The following MED15 variants were observed in gnomAD, a reference collection of about 807,000 sequenced individuals.
MED15 encodes mediator of RNA polymerase II transcription subunit 15.
A neutral mutation model predicts 118.7 loss-of-function variants in MED15; 41 were observed. That is an observed-to-expected ratio of 0.35 (90% confidence interval 0.27 to 0.45). MED15 has a LOEUF of 0.45. MED15 is among the 20% of genes least tolerant of loss of function. MED15 has a pLI of 1.00. For synonymous variants in MED15, 436 were observed against 413.9 expected (o/e 1.05, Z -0.65); for missense variants, 740 against 1,025.5 (o/e 0.72, Z 3.80).
At chr22:20,532,915 T>G (rs1172233433) in intron 1 of MED15, among the ~76,000 whole-genome samples, 1 of 152,194 alleles carries the variant, frequency 6.6e-6, no homozygotes, top group Non-Finnish European at 1.5e-5. Flanking sequence ...GGTTCTCTGT[T>G]CTTTGTCTCA....
In MED15 at chr22:20,507,627, G is replaced by A. The variant is rs1359232380; in HGVS notation, c.-52G>A. On this transcript the variant is annotated 5_prime_UTR_variant, in exon 1 of 18. Coordinates refer to ENST00000263205, the MANE Select transcript of MED15 (RefSeq NM_001003891.3). ...TTGGGCCTGGCTCTGTGACTGAGGCGGCGGCGGTGGCGGCCAAGCGGGATA... is the reference window on the plus strand; with the variant it reads ...TTGGGCCTGGCTCTGTGACTGAGGCAGCGGCGGTGGCGGCCAAGCGGGATA... 7.5e-6 allele frequency: 12 copies of A among 1,609,852 alleles called. No individual in the cohort carries two copies. The highest frequency in any genetic ancestry group is 4.4e-5 in the South Asian group (4 of 90,986).
At chr22:20,511,725 C>T (rs1331426404) in intron 1 of MED15, among the ~76,000 whole-genome samples, 1 of 152,052 alleles carries the variant, frequency 6.6e-6, no homozygotes, top group Admixed American at 6.6e-5. Flanking sequence ...CTGCCTCCAC[C>T]TCATCTGGGC....
chr22:20,553,285 A>G, intron 4 of MED15, 111 bp downstream of exon 4: 1 of 1,143,448 alleles, frequency 8.7e-7, no homozygotes, highest in Non-Finnish European at 1.3e-6. Context: ...CTAGAGGAGA[A>G]TGCTTGCGGA....
At chr22:20,545,473 CAAAAAA>C (rs56307139) in intron 2 of MED15, among the ~76,000 whole-genome samples, 3 of 90,150 alleles carry the variant, frequency 3.3e-5, no homozygotes, top group Non-Finnish European at 4.5e-5. Context: ...GACTCCACCT[CAAAAAA>C]AAAAAAAAAA....
chr22:20,553,057 A>G lies in MED15; in HGVS notation c.209-88A>G, dbSNP rs879064288. 8 of 1,295,808 alleles carry G rather than the reference A, an allele frequency of 6.2e-6. No homozygotes were observed. In the South Asian group the frequency reaches 1.0e-4, roughly 17 times the overall value. 80.3% of individuals were successfully genotyped at this position (1,295,808 alleles called of 1,614,324 possible). A position where few individuals can be genotyped will look rare whatever the true frequency, so the allele number is the denominator to read the frequency against. ...CTCCGTGGGGATTAAGGCTTGGGCA[A>G]ATGCCTACAGAACTGACCTACCCAT... is the stretch of plus-strand genomic sequence containing the variant. On this transcript the variant is annotated intron_variant, in intron 3 of 17. Transcript: ENST00000263205.
chr22:20,573,454 CCT>C (rs370586042), intron 8 of MED15, among the ~76,000 whole-genome samples: 154 of 152,268 alleles, frequency 1.0e-3, no homozygotes, highest in African/African-American at 2.2e-3. Flanking sequence ...CCTGGAGGAC[CCT>C]CTCTCTTTTT....
chr22:20,513,251 TTG>T (rs1216668248), intron 1 of MED15, among the ~76,000 whole-genome samples: 2 of 150,634 alleles, frequency 1.3e-5, no homozygotes, highest in African/African-American at 4.9e-5. Flanking sequence ...CTTTCTCCAC[TTG>T]TTACACTTGT....
chr22:20,510,190 A>G (rs2054014251), intron 1 of MED15, among the ~76,000 whole-genome samples: 3 of 152,100 alleles, frequency 2.0e-5, no homozygotes, highest in Admixed American at 2.0e-4. Context: ...ACTGAGACCC[A>G]TCCTGGCCAA....
Position 20,567,672 on chromosome 22 carries a change from A to C in MED15, c.1042-849A>C, listed in dbSNP as rs576204136. On this transcript the variant is annotated intron_variant, in intron 7 of 17. Transcript: ENST00000263205. ...AATGTGCCCTGGCAGGGTTTGCCCT[A>C]GTGGCTTGGAGATGTCTAAGGAAGA... 4.6e-5 allele frequency among the ~76,000 whole-genome samples: 7 copies of C among 151,842 alleles called. No individual in the cohort carries two copies. In the East Asian group the frequency reaches 9.7e-4, roughly 21 times the overall value.
intron 5 of MED15, among the ~76,000 whole-genome samples, chr22:20,556,856 A>G (rs1430934012): frequency 6.6e-6 from 1 of 152,186 alleles, no homozygotes; most frequent in Non-Finnish European, 1.5e-5. Context: ...AAATGGAATC[A>G]TACCATATGT....
intron 9 of MED15, among the ~76,000 whole-genome samples, chr22:20,576,217 G>A (rs146116594): frequency 7.5e-4 from 114 of 152,326 alleles, no homozygotes; most frequent in African/African-American, 2.6e-3. Flanking sequence ...TGGGTTTGTC[G>A]TGAAAACATC....
Position 20,507,642 on chromosome 22 carries a change from CA to C in MED15, c.-35del. 1.2e-6 allele frequency: 2 copies of C among 1,613,406 alleles called. No individual in the cohort carries two copies. The highest frequency in any genetic ancestry group is 2.2e-5 in the East Asian group (1 of 44,884). ...TGACTGAGGCGGCGGCGGTGGCGGC[CA>C]AGCGGGATACGGGCGGCGGGAGCTG... is the stretch of plus-strand genomic sequence containing the variant. On this transcript the variant is annotated 5_prime_UTR_variant, in exon 1 of 18. Transcript: ENST00000263205.
At chr22:20,534,997 G>A (rs985208414) in intron 1 of MED15, among the ~76,000 whole-genome samples, 3 of 152,082 alleles carry the variant, frequency 2.0e-5, no homozygotes, top group Non-Finnish European at 2.9e-5. Context: ...TCATTCTGTC[G>A]CCCAGGCTGG....
chr22:20,582,759 C>T lies in MED15; in HGVS notation c.1409+12C>T. ...AACTCCAACGTCAGGTAGGCCTGGC[C>T]TGGGGTGCCCCTCCCCACCTGGCCC... On this transcript the variant is annotated intron_variant, in intron 10 of 17. Coordinates refer to ENST00000263205, the MANE Select transcript of MED15 (RefSeq NM_001003891.3). 6.3e-7 allele frequency: 1 copy of T among 1,589,198 alleles called. No individual in the cohort carries two copies. Among genetic ancestry groups the T allele is most frequent in the Non-Finnish European group, 8.5e-7 (1 of 1,171,442 alleles).
chr22:20,583,091 C>T (rs1379729458), intron 11 of MED15, 22 bp from the exon 12 acceptor site: 16 of 1,566,470 alleles, frequency 1.0e-5, no homozygotes, highest in Non-Finnish European at 1.3e-5. Flanking sequence ...GGGCTGTGGC[C>T]TCACCCGCCT....
At chr22:20,568,378 A>G in intron 7 of MED15, 143 bp from the exon 8 acceptor site, 1 of 1,287,574 alleles carries the variant, frequency 7.8e-7, no homozygotes, top group Non-Finnish European at 1.1e-6. Context: ...ATGGCCAGTA[A>G]GGTGACATCA....
rs911269732 is a variant in MED15, at chr22:20,584,666, T to C, written c.1804-189T>C. The stretch of plus-strand genomic sequence containing the variant: ...CCCATTTCAGAGGAGGCAGGGACTG[T>C]AGGGAGGATAGGCTGTGGGGGTGGG... On this transcript the variant is annotated intron_variant, in intron 14 of 17. Transcript: ENST00000263205. 148 of 863,138 alleles carry C rather than the reference T, an allele frequency of 1.7e-4. No homozygotes were observed. In the East Asian group the frequency reaches 3.8e-3, roughly 22 times the overall value. The allele number at this position is 863,138 out of a possible 1,614,324, so 53.5% of individuals were successfully genotyped here.
chr22:20,513,364 C>G (rs1270371878), intron 1 of MED15, among the ~76,000 whole-genome samples: 1 of 151,574 alleles, frequency 6.6e-6, no homozygotes, highest in Non-Finnish European at 1.5e-5. Context: ...ACTGCAACCT[C>G]TGCCTCCCGG....
At chr22:20,545,673 G>C (rs2055502599) in intron 2 of MED15, among the ~76,000 whole-genome samples, 1 of 152,038 alleles carries the variant, frequency 6.6e-6, no homozygotes, top group African/African-American at 2.4e-5. Flanking sequence ...TGGTGGCCAG[G>C]TCAGGGCCGT....
Sources: allele counts gnomAD v4.1 joint callset (sites outside exome capture counted in the v4.1 genomes callset), GRCh38; gene constraint gnomAD v4.1.1; transcripts MANE v1.5; gene names NCBI Gene and HGNC (gene_info 2026-07-23, HGNC 2026-07-21).